Variants in WWOX observed in about 807,000 individuals in gnomAD.
WWOX encodes WW domain containing oxidoreductase.
In WWOX, 69 loss-of-function variants were observed where a neutral mutation model predicts 46.2. The observed-to-expected ratio is 1.49, with a 90% confidence interval of 1.23 to 1.82. The LOEUF (loss-of-function observed/expected upper bound fraction) is 1.82. WWOX is among the 40% of genes most tolerant of loss of function. The pLI, the probability that WWOX is intolerant of heterozygous loss-of-function variation, is 0.00. For synonymous variants in WWOX, 359 were observed against 202.6 expected (o/e 1.77, Z -6.56); for missense variants, 919 against 542.6 (o/e 1.69, Z -6.89).
chr16:78,753,850 A>ATATATG (rs61569394), intron 8 of WWOX, among the ~76,000 whole-genome samples: 5 of 87,322 alleles, frequency 5.7e-5, no homozygotes, highest in Non-Finnish European at 1.0e-4. Context: ...ATATATATAT[A>ATATATG]TATATGTATA....
intron 7 of WWOX, among the ~76,000 whole-genome samples, chr16:78,429,534 A>G (rs773923537): frequency 6.6e-6 from 1 of 152,278 alleles, no homozygotes. Context: ...GCAGTTGACA[A>G]AAGATGAGTA....
chr16:78,810,841 G>A (rs182482288), intron 8 of WWOX, among the ~76,000 whole-genome samples: 19 of 152,312 alleles, frequency 1.2e-4, no homozygotes, highest in Admixed American at 4.6e-4. Flanking sequence ...GACAGCGCAA[G>A]ATCCAAAAAG....
intron 1 of WWOX, among the ~76,000 whole-genome samples, chr16:78,103,216 C>A (rs1388981600): frequency 6.6e-6 from 1 of 150,450 alleles, no homozygotes; most frequent in Non-Finnish European, 1.5e-5. Flanking sequence ...TGTCTTAAAT[C>A]TCAAGCTGGC....
At chr16:78,692,605 C>T (rs963503659) in intron 8 of WWOX, among the ~76,000 whole-genome samples, 1 of 152,188 alleles carries the variant, frequency 6.6e-6, no homozygotes, top group Non-Finnish European at 1.5e-5. Flanking sequence ...ATGCCTGAAT[C>T]TCTCACCCCC....
At chr16:78,714,698 A>G (rs543685355) in intron 8 of WWOX, among the ~76,000 whole-genome samples, 2 of 152,290 alleles carry the variant, frequency 1.3e-5, no homozygotes, top group South Asian at 4.2e-4. Flanking sequence ...AGCATGTTTG[A>G]GACACTGAAG....
intron 8 of WWOX, among the ~76,000 whole-genome samples, chr16:78,987,884 A>G (rs543000740): frequency 6.6e-6 from 1 of 152,318 alleles, no homozygotes; most frequent in South Asian, 2.1e-4. Flanking sequence ...TGCTTACAAC[A>G]TGATTCCGGT....
chr16:78,297,195 G>C (rs2079956828), intron 5 of WWOX, among the ~76,000 whole-genome samples: 1 of 152,120 alleles, frequency 6.6e-6, no homozygotes, highest in Non-Finnish European at 1.5e-5. Flanking sequence ...CTCCCATCCA[G>C]ATTGTGTTTA....
chr16:78,667,588 A>G (rs1384475078), intron 8 of WWOX, among the ~76,000 whole-genome samples: 1 of 148,800 alleles, frequency 6.7e-6, no homozygotes. Context: ...GGAGAATGGC[A>G]TGAACCTGGG....
chr16:79,211,428 A>T (rs1163796121), intron 8 of WWOX, among the ~76,000 whole-genome samples, 180 bp from the exon 9 acceptor site: 3 of 152,178 alleles, frequency 2.0e-5, no homozygotes, highest in Admixed American at 6.5e-5. Flanking sequence ...TTTTTCCAGG[A>T]TAGTCACATT....
At chr16:78,662,732 G>A (rs565270647) in intron 8 of WWOX, among the ~76,000 whole-genome samples, 9 of 152,294 alleles carry the variant, frequency 5.9e-5, no homozygotes, top group Non-Finnish European at 1.2e-4. Flanking sequence ...ATTGACTGGG[G>A]CTGGATTCGG....
At position 78,939,425 on chromosome 16, in the gene WWOX, G is replaced by A. The variant is rs537591863; in HGVS notation, c.1057-272183G>A. Among the ~76,000 whole-genome samples the A allele has an allele frequency of 5.9e-4, 90 of 152,124 alleles. 1 individual carries two copies. Among genetic ancestry groups the A allele is most frequent in the Non-Finnish European group, 4.6e-4 (31 of 67,986 alleles). ...ACTTTTGATTCTTGGTTCTTTCTTT[G>A]GCATTAGCTCACCAGTGGCAAATAT... On this transcript the variant is annotated intron_variant, in intron 8 of 8. Coordinates refer to ENST00000566780, the MANE Select transcript of WWOX (RefSeq NM_016373.4).
intron 8 of WWOX, among the ~76,000 whole-genome samples, chr16:78,701,178 C>T (rs187458094): frequency 6.6e-6 from 1 of 152,262 alleles, no homozygotes; most frequent in East Asian, 1.9e-4. Flanking sequence ...ACCTGGCATG[C>T]AGTGAGTATC....
At chr16:78,798,863 C>T (rs1364996313) in intron 8 of WWOX, among the ~76,000 whole-genome samples, 4 of 152,114 alleles carry the variant, frequency 2.6e-5, no homozygotes, top group Admixed American at 2.6e-4. Context: ...GGACTGAATA[C>T]AGATTAGGCA....
At chr16:78,830,624 G>C (rs2051793693) in intron 8 of WWOX, among the ~76,000 whole-genome samples, 1 of 151,906 alleles carries the variant, frequency 6.6e-6, no homozygotes, top group Non-Finnish European at 1.5e-5. Flanking sequence ...TCGAAAAATT[G>C]AATCTCAGTA....
chr16:78,792,237 C>T (rs778376685), intron 8 of WWOX, among the ~76,000 whole-genome samples: 1 of 152,184 alleles, frequency 6.6e-6, no homozygotes, highest in Non-Finnish European at 1.5e-5. Context: ...CTCTGCTCAT[C>T]TTTCTCACGA....
At chr16:78,805,664 G>T (rs1458405791) in intron 8 of WWOX, among the ~76,000 whole-genome samples, 2 of 152,170 alleles carry the variant, frequency 1.3e-5, no homozygotes, top group Non-Finnish European at 2.9e-5. Flanking sequence ...TCACTGTTAA[G>T]ACTTAAACAG....
chr16:78,177,389 G>A lies in WWOX; in HGVS notation c.516+13100G>A, dbSNP rs771764419. Among the ~76,000 whole-genome samples, 7 of 152,178 alleles carry A rather than the reference G, an allele frequency of 4.6e-5. 1 individual carries two copies. Among genetic ancestry groups the A allele is most frequent in the African/African-American group, 9.7e-5 (4 of 41,434 alleles). On this transcript the variant is annotated intron_variant, in intron 5 of 8. Coordinates refer to ENST00000566780, the MANE Select transcript of WWOX (RefSeq NM_016373.4). ...GAGGTGATACCCCTAAACTGTCATC[G>A]ATGCCAGCGCCTGGGTAGTGTGGTA...
intron 8 of WWOX, among the ~76,000 whole-genome samples, chr16:78,846,753 T>A (rs958709146): frequency 6.6e-6 from 1 of 152,162 alleles, no homozygotes; most frequent in Non-Finnish European, 1.5e-5. Flanking sequence ...CTTCTCAAAT[T>A]TTCATCCATT....
chr16:78,143,384 G>A (rs560719370), intron 4 of WWOX, among the ~76,000 whole-genome samples: 3 of 152,130 alleles, frequency 2.0e-5, no homozygotes, highest in Non-Finnish European at 2.9e-5. Flanking sequence ...GTTTAGAACC[G>A]AATGTTAAAA....
Sources: allele counts gnomAD v4.1 joint callset (sites outside exome capture counted in the v4.1 genomes callset), GRCh38; gene constraint gnomAD v4.1.1; transcripts MANE v1.5; gene names NCBI Gene and HGNC (gene_info 2026-07-23, HGNC 2026-07-21).